GRID2: variants seen among roughly 807,000 people sequenced by gnomAD.
GRID2 encodes glutamate ionotropic receptor delta type subunit 2.
A neutral mutation model predicts 114.8 loss-of-function variants in GRID2; 33 were observed. The ratio of observed to expected loss-of-function variants is 0.29; its 90% CI spans 0.22 to 0.38. The LOEUF (loss-of-function observed/expected upper bound fraction) is 0.38, where lower values mean the gene tolerates loss of function less well. Ranked by LOEUF, GRID2 falls within the 10% of genes least tolerant of loss-of-function variation. GRID2 has a pLI of 1.00. For synonymous variants in GRID2, 505 were observed against 449.9 expected, an observed-to-expected ratio of 1.12 and a Z score of -1.55; for missense variants, 1,184 against 1,257.7, an observed-to-expected ratio of 0.94 and a Z score of 0.89.
chr4:92,624,091 C>T (rs1299915064), intron 2 of GRID2, among the ~76,000 whole-genome samples: 1 of 151,830 alleles, frequency 6.6e-6, no homozygotes, highest in East Asian at 1.9e-4. Flanking sequence ...GCAACATCAT[C>T]ACAATATTCA....
chr4:93,265,492 A>C (rs2149557440), intron 8 of GRID2, among the ~76,000 whole-genome samples: 1 of 152,292 alleles, frequency 6.6e-6, no homozygotes, highest in East Asian at 1.9e-4. Context: ...CGCCACTTCA[A>C]AGGAAATTAC....
intron 13 of GRID2, among the ~76,000 whole-genome samples, chr4:93,531,205 A>C (rs1731412584): frequency 6.6e-6 from 1 of 152,168 alleles, no homozygotes; most frequent in African/African-American, 2.4e-5. Flanking sequence ...GCTCAAACAA[A>C]TTTGGCATTT....
intron 1 of GRID2, among the ~76,000 whole-genome samples, chr4:92,429,305 T>C (rs1732319863): frequency 6.6e-6 from 1 of 152,198 alleles, no homozygotes; most frequent in Non-Finnish European, 1.5e-5. Context: ...ATAAGTTCAA[T>C]TGTTTTAAGT....
At chr4:93,461,089 C>T (rs1723699386) in intron 11 of GRID2, among the ~76,000 whole-genome samples, 1 of 152,122 alleles carries the variant, frequency 6.6e-6, no homozygotes, top group Admixed American at 6.5e-5. Context: ...CAACAGATAA[C>T]AAAAGTTATA....
chr4:92,840,129 G>T (rs1401183715), intron 2 of GRID2, among the ~76,000 whole-genome samples: 2 of 151,870 alleles, frequency 1.3e-5, no homozygotes, highest in Non-Finnish European at 2.9e-5. Flanking sequence ...TACAATATAA[G>T]TATAGTGACT....
intron 1 of GRID2, among the ~76,000 whole-genome samples, chr4:92,584,130 C>T (rs143761263): frequency 0.013 from 2,030 of 151,944 alleles, 34 homozygotes; most frequent in African/African-American, 0.046. Context: ...TAGTTTTGAA[C>T]ATGCTTAACA....
At chr4:92,922,333 G>T (rs1471311355) in intron 2 of GRID2, among the ~76,000 whole-genome samples, 1 of 152,046 alleles carries the variant, frequency 6.6e-6, no homozygotes, top group Non-Finnish European at 1.5e-5. Context: ...GCTCATGTTT[G>T]GTGCACTGCA....
intron 14 of GRID2, among the ~76,000 whole-genome samples, chr4:93,725,393 T>C (rs1013300437): frequency 1.3e-5 from 2 of 152,226 alleles, no homozygotes; most frequent in African/African-American, 4.8e-5. Context: ...TTGTTGGACA[T>C]TTGGGTTGGT....
intron 1 of GRID2, among the ~76,000 whole-genome samples, chr4:92,537,784 G>GGGGTGTGTGTGTGT (rs560095688): frequency 7.9e-6 from 1 of 125,934 alleles, no homozygotes; most frequent in Non-Finnish European, 1.7e-5. Flanking sequence ...AAAAACTTGC[G>GGGGTGTGTGTGTGT]GTGTGTGTGT....
chr4:93,102,673 T>C (rs1225011960), intron 3 of GRID2, among the ~76,000 whole-genome samples: 2 of 151,850 alleles, frequency 1.3e-5, no homozygotes, highest in African/African-American at 4.8e-5. Context: ...TCCAGATTTA[T>C]TTCTTAAATG....
intron 8 of GRID2, among the ~76,000 whole-genome samples, chr4:93,270,215 TACACACACACACACACACACACAC>T (rs34945534): frequency 7.3e-6 from 1 of 137,088 alleles, no homozygotes; most frequent in Admixed American, 7.2e-5. Flanking sequence ...CACACACACA[TACACACACACACACACACACACAC>T]ACACACACAC....
At chr4:92,321,573 G>T (rs1452746916) in intron 1 of GRID2, among the ~76,000 whole-genome samples, 4 of 151,880 alleles carry the variant, frequency 2.6e-5, no homozygotes, top group Non-Finnish European at 4.4e-5. Flanking sequence ...ATTCTTTTTT[G>T]CTCTTAATAA....
intron 14 of GRID2, among the ~76,000 whole-genome samples, chr4:93,710,263 G>T (rs1000007656): frequency 3.3e-5 from 5 of 152,104 alleles, no homozygotes; most frequent in African/African-American, 7.2e-5. Flanking sequence ...TTAAATCTTC[G>T]GTCAATGCAG....
intron 13 of GRID2, among the ~76,000 whole-genome samples, chr4:93,550,526 C>T (rs1173552367): frequency 6.6e-6 from 1 of 152,112 alleles, no homozygotes; most frequent in Non-Finnish European, 1.5e-5. Context: ...AATCTATTTC[C>T]TTATAACTTG....
intron 9 of GRID2, among the ~76,000 whole-genome samples, chr4:93,400,124 T>C (rs1450598464): frequency 6.6e-6 from 1 of 152,132 alleles, no homozygotes; most frequent in Non-Finnish European, 1.5e-5. Flanking sequence ...AACCATGTCC[T>C]TAGCCACTCT....
chr4:92,625,750 C>G (rs987808458), intron 2 of GRID2, among the ~76,000 whole-genome samples: 1 of 151,914 alleles, frequency 6.6e-6, no homozygotes, highest in Non-Finnish European at 1.5e-5. Flanking sequence ...CAAAGTGATT[C>G]TTATGCTAGC....
intron 8 of GRID2, among the ~76,000 whole-genome samples, chr4:93,352,977 A>C (rs2149263230): frequency 6.6e-6 from 1 of 152,162 alleles, no homozygotes; most frequent in East Asian, 1.9e-4. Flanking sequence ...GGGCAGAAAT[A>C]AAGCGGAGTT....
chr4:92,500,487 T>C (rs959023126), intron 1 of GRID2, among the ~76,000 whole-genome samples: 1 of 152,192 alleles, frequency 6.6e-6, no homozygotes, highest in Non-Finnish European at 1.5e-5. Flanking sequence ...AATTCCCTTG[T>C]TGTTTATTCA....
At chr4:92,521,887 T>A (rs1724800779) in intron 1 of GRID2, among the ~76,000 whole-genome samples, 1 of 151,892 alleles carries the variant, frequency 6.6e-6, no homozygotes. Context: ...TATTTTTGAG[T>A]TAATTCATTT....
Sources: allele counts gnomAD v4.1 joint callset (sites outside exome capture counted in the v4.1 genomes callset), GRCh38; gene constraint gnomAD v4.1.1; transcripts MANE v1.5; gene names NCBI Gene and HGNC (gene_info 2026-07-23, HGNC 2026-07-21).